TAF5L: variants seen among roughly 807,000 people sequenced by gnomAD.
TAF5L encodes the protein TAF5-like RNA polymerase II p300/CBP-associated factor-associated factor 65 kDa subunit 5L.
In TAF5L, 7 loss-of-function variants were observed where a neutral mutation model predicts 51.3. The observed-to-expected ratio is 0.14, with a 90% CI of 0.08 to 0.26. TAF5L has a LOEUF of 0.26. TAF5L is among the 10% of genes least tolerant of loss of function. The probability of loss-of-function intolerance (pLI) is 1.00; values close to 1 mark genes in which losing one functional copy is unlikely to be tolerated. For missense variants in TAF5L, 575 were observed against 758.9 expected (o/e 0.76, Z 2.85); for synonymous variants, 291 against 308.1 (o/e 0.94, Z 0.58).
rs1665216395 is a variant in TAF5L at position 229,621,994 on chromosome 1, G to C, written c.-4+3891C>G. Reference sequence around the variant, plus strand: ...AAGCCATCAATGCCTGTTCGGGTGAGCAGAACTTCTTTTCATTCATCATCA... The same window carrying C: ...AAGCCATCAATGCCTGTTCGGGTGACCAGAACTTCTTTTCATTCATCATCA... On this transcript the variant is annotated intron_variant, in intron 1 of 4. Coordinates refer to ENST00000258281, the Ensembl canonical transcript of TAF5L. 2.0e-5 allele frequency among the ~76,000 whole-genome samples: 3 copies of C among 151,910 alleles called. No individual in the cohort carries two copies. The South Asian group carries it at 6.2e-4, about 32-fold the overall frequency.
At position 229,595,035 on chromosome 1, in the gene TAF5L, T is replaced by C. The variant is rs35015425; in HGVS notation, c.1032A>G (p.Pro344=). ...CCGCGAGGAACCTCGTGCTGTACAC[T>C]GGTCCGCAGTGGCCCCGCAGTATCT... is the stretch of plus-strand genomic sequence containing the variant. The change falls in exon 5 of 5, where the codon CCA becomes CCG. Residue 344 remains proline (P), a synonymous_variant. Coordinates refer to ENST00000258281, the Ensembl canonical transcript of TAF5L. 3.3e-3 allele frequency: 5,372 copies of C among 1,613,816 alleles called. 150 individuals are homozygous for C. In the African/African-American group the frequency reaches 0.061, roughly 18 times the overall value.
At chr1:229,621,287 C>CAA (rs1477278201) in intron 1 of TAF5L, among the ~76,000 whole-genome samples, 1 of 152,204 alleles carries the variant, frequency 6.6e-6, no homozygotes, top group Non-Finnish European at 1.5e-5. Flanking sequence ...AGTTAATTCA[C>CAA]AAAGTTTTGC....
rs766868414 is a variant in TAF5L at position 229,595,069 on chromosome 1, G to A, written c.998C>T (p.Thr333Met). Residue 333 changes from threonine (T) to methionine (M), a missense_variant, in exon 5 of 5, where the codon ACG becomes ATG. By Grantham distance (81) the Thr-to-Met change is moderately conservative (BLOSUM62 -1). Coordinates refer to ENST00000258281, the Ensembl canonical transcript of TAF5L. ...GTGGCCCCGCAGTATCTTCATCTCC[G>A]TGCCTGCATTATCATCCTCATCATC... 1.6e-5 allele frequency: 26 copies of A among 1,604,634 alleles called. No homozygotes were observed. Among genetic ancestry groups the A allele is most frequent in the East Asian group, 4.5e-5 (2 of 44,704 alleles).
chr1:229,611,770 C>T (rs1291121199), intron 2 of TAF5L, among the ~76,000 whole-genome samples: 2 of 152,198 alleles, frequency 1.3e-5, no homozygotes, highest in African/African-American at 4.8e-5. Flanking sequence ...AATACTGCCA[C>T]CAGACTGAGT....
At position 229,625,196 on chromosome 1, in the gene TAF5L, A is replaced by G. The variant is rs576771916; in HGVS notation, c.-4+689T>C. ...CACCACTGTTTCTAACCATCCACTC[A>G]CTTCGGACCAACGCCTTATCGAATA... On this transcript the variant is annotated intron_variant, in intron 1 of 4. Transcript: ENST00000258281. This position sits in a 1 kb window ranked among gnomAD's most constrained non-coding sequence, Gnocchi z 4.0. 3.3e-4 allele frequency among the ~76,000 whole-genome samples: 50 copies of G among 152,184 alleles called. No individual in the cohort carries two copies. Among genetic ancestry groups the G allele is most frequent in the Admixed American group, 6.5e-4 (10 of 15,292 alleles).
At chr1:229,614,511 C>T in intron 1 of TAF5L, 26 bp from the exon 2 acceptor site, 2 of 1,611,616 alleles carry the variant, frequency 1.2e-6, no homozygotes, top group Non-Finnish European at 1.7e-6. Context: ...CGACAGGATA[C>T]AGAGACATCA....
At chr1:229,620,088 C>T (rs754117902) in intron 1 of TAF5L, among the ~76,000 whole-genome samples, 12 of 152,246 alleles carry the variant, frequency 7.9e-5, no homozygotes, top group Middle Eastern at 3.4e-3. Flanking sequence ...TGTTCTCTCT[C>T]TCCCTTACTT....
intron 3 of TAF5L, chr1:229,606,674 C>A (rs1015378067): frequency 5.1e-6 from 5 of 985,272 alleles, no homozygotes; most frequent in Non-Finnish European, 6.0e-6. Flanking sequence ...ATGCTCATTT[C>A]ACTTTAAAGA....
At chr1:229,606,155 T>C in intron 3 of TAF5L, 2 of 985,420 alleles carry the variant, frequency 2.0e-6, no homozygotes, top group Non-Finnish European at 2.4e-6. Flanking sequence ...AGGTTCAAAA[T>C]TGCTTAATTG....
rs376988529 is a variant in TAF5L at position 229,614,595 on chromosome 1, A to C, written c.-3-110T>G. On this transcript the variant is annotated intron_variant, in intron 1 of 4. Transcript: ENST00000258281. ...GACACATGGGAGAGAAAGACCAGCC[A>C]TGTGGCTAAGTGGCCTAGTTAAGAC... is the stretch of plus-strand genomic sequence containing the variant. 34 of 1,424,118 alleles carry C rather than the reference A, an allele frequency of 2.4e-5. No homozygotes were observed. In the African/African-American group the frequency reaches 4.0e-4, roughly 17 times the overall value. The allele number at this position is 1,424,118 out of a possible 1,614,324, so 88.2% of individuals were successfully genotyped here.
chr1:229,603,939 A>G (rs187777393), intron 3 of TAF5L, among the ~76,000 whole-genome samples: 6 of 152,372 alleles, frequency 3.9e-5, no homozygotes, highest in Admixed American at 3.3e-4. Flanking sequence ...AGTGCTGTCC[A>G]GATGCCTGCT....
intron 3 of TAF5L, among the ~76,000 whole-genome samples, chr1:229,605,128 A>ATATATATATATATATATTTT (rs1340196774): frequency 4.1e-5 from 6 of 145,168 alleles, no homozygotes; most frequent in African/African-American, 1.6e-4. Flanking sequence ...ATATATATGT[A>ATATATATATATATATATTTT]TTTTTTTTTT....
Position 229,612,988 on chromosome 1 carries a change from AT to A in TAF5L, c.142+1352del, listed in dbSNP as rs75367032. Reference sequence around the variant, plus strand: ...ATAATCACCCTAAAGTATCCCAGCAATTTTTTTCCCCCAGAATCACTAGTAA... The same window carrying A: ...ATAATCACCCTAAAGTATCCCAGCAATTTTTTCCCCCAGAATCACTAGTAA... On this transcript the variant is annotated intron_variant, in intron 2 of 4. Transcript: ENST00000258281. Among the ~76,000 whole-genome samples, 7 of 151,752 alleles carry A rather than the reference AT, an allele frequency of 4.6e-5. No homozygotes were observed. In the East Asian group the frequency reaches 5.8e-4, roughly 13 times the overall value.
At chr1:229,611,411 C>CA (rs1664782034) in intron 2 of TAF5L, among the ~76,000 whole-genome samples, 1 of 152,110 alleles carries the variant, frequency 6.6e-6, no homozygotes, top group Non-Finnish European at 1.5e-5. Context: ...TGCATTTTGT[C>CA]AATGGAATAT....
intron 4 of TAF5L, chr1:229,601,603 A>G (rs546465610): frequency 6.6e-5 from 65 of 986,094 alleles, no homozygotes; most frequent in Admixed American, 1.2e-4. Context: ...TGGCAACTCT[A>G]CTTCCTGTGT....
intron 3 of TAF5L, among the ~76,000 whole-genome samples, chr1:229,605,108 G>GTATGTGTGTATA (rs1553270421): frequency 8.4e-6 from 1 of 118,620 alleles, no homozygotes; most frequent in African/African-American, 2.9e-5. Flanking sequence ...ATTTTTGTAT[G>GTATGTGTGTATA]TATATATATA....
intron 3 of TAF5L, among the ~76,000 whole-genome samples, chr1:229,605,668 G>A (rs934435618): frequency 6.6e-6 from 1 of 151,954 alleles, no homozygotes; most frequent in African/African-American, 2.4e-5. Context: ...GAGTAAAGCA[G>A]ATTACCTTCC....
In TAF5L at chr1:229,606,530, C is replaced by G. The variant is rs776617322; in HGVS notation, c.247+3576G>C. On this transcript the variant is annotated intron_variant, in intron 3 of 4. Coordinates refer to ENST00000258281, the Ensembl canonical transcript of TAF5L. ...TTAAACAAAACTAATCCTGTCGGTC[C>G]TCATTCTCCTCTACCTTTCTTCAAG... The G allele has an allele frequency of 5.9e-4, 577 of 985,216 alleles. 1 individual carries two copies. Among genetic ancestry groups the G allele is most frequent in the Middle Eastern group, 1.0e-3 (2 of 1,936 alleles). 61.0% of individuals were successfully genotyped at this position (985,216 alleles called of 1,614,324 possible).
rs1050308925 is a variant in TAF5L at position 229,602,386 on chromosome 1, A to G, written c.781T>C (p.Phe261Leu). 5 of 1,614,068 alleles carry G rather than the reference A, an allele frequency of 3.1e-6. No individual in the cohort carries two copies. The African/African-American group carries it at 4.0e-5, about 13-fold the overall frequency. Residue 261 changes from phenylalanine to leucine, a missense_variant, in exon 4 of 5, where the codon TTC becomes CTC. Phe to Leu is a conservative substitution (Grantham distance 22). Transcript: ENST00000258281. This position sits in a 1 kb window ranked among gnomAD's most constrained non-coding sequence, Gnocchi z 4.6. ...TGCTCTGTGTTATAGAAGGCATAGAAGCAGATGGTAGTGAGGGAGGGAGGC... is the reference window on the plus strand; with the variant it reads ...TGCTCTGTGTTATAGAAGGCATAGAGGCAGATGGTAGTGAGGGAGGGAGGC...
Sources: allele counts gnomAD v4.1 joint callset (sites outside exome capture counted in the v4.1 genomes callset), GRCh38; gene constraint gnomAD v4.1.1; non-coding constraint Gnocchi (gnomAD v3.1); transcripts MANE v1.5; gene names NCBI Gene and HGNC (gene_info 2026-07-23, HGNC 2026-07-21).